FEZ2: variants seen among roughly 807,000 people sequenced by gnomAD.
FEZ2 encodes fasciculation and elongation protein zeta-2.
A neutral mutation model predicts 40.4 loss-of-function variants in FEZ2; 51 were observed. That is an observed-to-expected ratio of 1.26 (90% confidence interval 1.01 to 1.59). FEZ2 has a LOEUF of 1.59. Among genes scored for constraint, FEZ2 ranks in the 40% most tolerant of loss-of-function variants. The pLI, the probability that FEZ2 is intolerant of heterozygous loss-of-function variation, is 0.00. For synonymous variants in FEZ2, 242 were observed against 172.0 expected, an observed-to-expected ratio of 1.41 and a Z score of -3.18; for missense variants, 640 against 438.3, an observed-to-expected ratio of 1.46 and a Z score of -4.11.
At chr2:36,567,553 G>A (rs1267019064) in intron 5 of FEZ2, among the ~76,000 whole-genome samples, 2 of 152,124 alleles carry the variant, frequency 1.3e-5, no homozygotes, top group Admixed American at 1.3e-4. Context: ...CCTGACGTCA[G>A]GAGTTCGAGA....
Position 36,598,030 on chromosome 2 carries a change from GC to G in FEZ2, c.112del (p.Ala38ProfsTer21). On this transcript the variant is annotated frameshift_variant, in exon 1 of 8. Coordinates refer to ENST00000405912, the MANE Select transcript of FEZ2 (RefSeq NM_005102.3). LOFTEE classifies it high-confidence loss of function. ...ACCGTCGGCGCCCCCACCCGCCTCG[GC>G]CCCCGCCTCCGCCCCAGGCTCGGGG... is the stretch of plus-strand genomic sequence containing the variant. ...ASPEPGAEAGAEAGGGADGFP... is the reference protein window; with the variant it reads ...ASPEPGAEAGXEAGGGADGFP... The G allele has an allele frequency of 1.4e-6, 2 of 1,436,974 alleles. No homozygotes were observed. The highest frequency in any genetic ancestry group is 1.3e-5 in the South Asian group (1 of 79,124). 89.0% of individuals were successfully genotyped at this position (1,436,974 alleles called of 1,614,324 possible).
In FEZ2 at chr2:36,576,473, G is replaced by T. The variant is rs541332047; in HGVS notation, c.903+2124C>A. Among the ~76,000 whole-genome samples, 50 of 152,246 alleles carry T rather than the reference G, an allele frequency of 3.3e-4. No individual in the cohort carries two copies. In the South Asian group the frequency reaches 4.6e-3, roughly 14 times the overall value. ...TTTAGTAGAAACGGAGTTTCACCATGTTGGCCAGGCTGGTCTTGAACTCCT... is the reference window on the plus strand; with the variant it reads ...TTTAGTAGAAACGGAGTTTCACCATTTTGGCCAGGCTGGTCTTGAACTCCT... On this transcript the variant is annotated intron_variant, in intron 5 of 7. Coordinates refer to ENST00000405912, the MANE Select transcript of FEZ2 (RefSeq NM_005102.3).
chr2:36,587,645 ATTC>A (rs1228464207), intron 2 of FEZ2, among the ~76,000 whole-genome samples: 1 of 124,912 alleles, frequency 8.0e-6, no homozygotes, highest in East Asian at 3.7e-4. Context: ...TGCAAAAACC[ATTC>A]TTCTTTTGTC....
Position 36,590,935 on chromosome 2 carries a change from G to A in FEZ2, c.343C>T (p.His115Tyr). 3 of 1,611,272 alleles carry A rather than the reference G, an allele frequency of 1.9e-6. No homozygotes were observed. Among genetic ancestry groups the A allele is most frequent in the Non-Finnish European group, 2.5e-6 (3 of 1,177,372 alleles). ...TCTGAGAGGTTCAGAGTAAGCAAGTGCAAGGTCCTAGTATGCGATGACTTC... is the reference window on the plus strand; with the variant it reads ...TCTGAGAGGTTCAGAGTAAGCAAGTACAAGGTCCTAGTATGCGATGACTTC... ...DWKSSHTRTL[H>Y]LLTLNLSEKG... Residue 115 changes from histidine (H) to tyrosine (Y), a missense_variant, in exon 2 of 8, where the codon CAC becomes TAC. Coordinates refer to ENST00000405912, the MANE Select transcript of FEZ2 (RefSeq NM_005102.3).
chr2:36,591,086 G>C (rs1171949639), intron 1 of FEZ2, 75 bp from the exon 2 acceptor site: 9 of 882,108 alleles, frequency 1.0e-5, no homozygotes, highest in Non-Finnish European at 1.5e-5. Flanking sequence ...TTCAGTGAAA[G>C]ATGAACAGCA....
chr2:36,584,446 T>C (rs1470959037), intron 2 of FEZ2, among the ~76,000 whole-genome samples: 1 of 152,230 alleles, frequency 6.6e-6, no homozygotes, highest in East Asian at 1.9e-4. Context: ...GTACCAGTAC[T>C]GATTGTAAAA....
chr2:36,566,658 T>C (rs1012816312), intron 5 of FEZ2, among the ~76,000 whole-genome samples: 5 of 152,206 alleles, frequency 3.3e-5, no homozygotes, highest in South Asian at 2.1e-4. Context: ...CCAGGAATCA[T>C]AGCTCAGGCA....
chr2:36,554,882 A>C (rs558358211), intron 7 of FEZ2, among the ~76,000 whole-genome samples: 4 of 152,348 alleles, frequency 2.6e-5, no homozygotes, highest in Non-Finnish European at 4.4e-5. Context: ...CCAGAGAAGA[A>C]GACTGTTACT....
At chr2:36,594,940 G>A (rs960899850) in intron 1 of FEZ2, among the ~76,000 whole-genome samples, 1 of 152,206 alleles carries the variant, frequency 6.6e-6, no homozygotes, top group Non-Finnish European at 1.5e-5. Context: ...AGGACACAGA[G>A]GCAACTCTAG....
At chr2:36,561,429 C>T (rs1668090418) in intron 5 of FEZ2, 1 of 152,210 alleles carries the variant, frequency 6.6e-6, no homozygotes, top group African/African-American at 2.4e-5. Context: ...GCATACGCTT[C>T]CTGGAGAGCA....
At position 36,553,222 on chromosome 2, in the gene FEZ2, T is replaced by G. The variant is rs945296136; in HGVS notation, c.1046-43A>C. ...CTTTTAGCTACAAATGTATATTTTG[T>G]ATACATTTACACAAAACATACATTT... On this transcript the variant is annotated intron_variant, in intron 7 of 7. Coordinates refer to ENST00000405912, the MANE Select transcript of FEZ2 (RefSeq NM_005102.3). 1.6e-5 allele frequency: 22 copies of G among 1,387,008 alleles called. No individual in the cohort carries two copies. The East Asian group carries it at 4.2e-4, about 27-fold the overall frequency. The allele number at this position is 1,387,008 out of a possible 1,614,324, so 85.9% of individuals were successfully genotyped here.
At chr2:36,594,789 C>A (rs1168010697) in intron 1 of FEZ2, among the ~76,000 whole-genome samples, 1 of 152,210 alleles carries the variant, frequency 6.6e-6, no homozygotes, top group Non-Finnish European at 1.5e-5. Flanking sequence ...TGCTGATTTG[C>A]TCCTTCTTAA....
chr2:36,594,979 G>A (rs977523346), intron 1 of FEZ2, among the ~76,000 whole-genome samples: 1 of 152,218 alleles, frequency 6.6e-6, no homozygotes. Flanking sequence ...CTGCAGTCAA[G>A]ACATATGAAC....
At chr2:36,583,705 A>G (rs1325124190) in intron 2 of FEZ2, among the ~76,000 whole-genome samples, 1 of 152,242 alleles carries the variant, frequency 6.6e-6, no homozygotes, top group Admixed American at 6.5e-5. Flanking sequence ...CTGCTATAAA[A>G]GCTGACAGAT....
chr2:36,586,322 T>C (rs1668897118), intron 2 of FEZ2, among the ~76,000 whole-genome samples: 1 of 152,206 alleles, frequency 6.6e-6, no homozygotes, highest in African/African-American at 2.4e-5. Flanking sequence ...GGCTTATAAA[T>C]ACTAAAAGTT....
intron 1 of FEZ2, among the ~76,000 whole-genome samples, chr2:36,592,412 C>A (rs75706564): frequency 0.013 from 2,021 of 152,144 alleles, 48 homozygotes; most frequent in African/African-American, 0.046. Flanking sequence ...TTTTAAAATA[C>A]AGACATAACA....
At chr2:36,585,046 G>C (rs1668862851) in intron 2 of FEZ2, among the ~76,000 whole-genome samples, 2 of 151,908 alleles carry the variant, frequency 1.3e-5, no homozygotes, top group East Asian at 1.9e-4. Context: ...CTTCAACACA[G>C]CATCATGAAC....
chr2:36,591,798 G>A lies in FEZ2; in HGVS notation c.267-787C>T, dbSNP rs17019165. Among the ~76,000 whole-genome samples the A allele has an allele frequency of 5.4e-3, 819 of 152,150 alleles. 7 individuals carry two copies. The highest frequency in any genetic ancestry group is 0.019 in the African/African-American group (785 of 41,500). ...TCATCTCCATCCTTCTTCAAATAAC[G>A]AGTCATTGGCCAGGCCCCTTAACCT... On this transcript the variant is annotated intron_variant, in intron 1 of 7. Coordinates refer to ENST00000405912, the MANE Select transcript of FEZ2 (RefSeq NM_005102.3).
Position 36,583,404 on chromosome 2 carries a change from G to C in FEZ2, c.441C>G (p.His147Gln), listed in dbSNP as rs780080330. Residue 147 changes from histidine (H) to glutamine (Q), a missense_variant, in exon 3 of 8, where the codon CAC becomes CAG. Physicochemically the swap from His to Gln is conservative, Grantham distance 24. Coordinates refer to ENST00000405912, the MANE Select transcript of FEZ2 (RefSeq NM_005102.3). ...CATTAACACAGGAGACGATGATTGA[G>C]TGCATATCCAGCTGTTCTCTCAGCT... ...DEELREQLDM[H>Q]SIIVSCVNDE... is the part of the protein sequence containing the mutation. The C allele has an allele frequency of 6.2e-7, 1 of 1,609,298 alleles. No individual in the cohort carries two copies. The highest frequency in any genetic ancestry group is 1.3e-5 in the African/African-American group (1 of 74,846).
Sources: allele counts gnomAD v4.1 joint callset (sites outside exome capture counted in the v4.1 genomes callset), GRCh38; gene constraint gnomAD v4.1.1; transcripts MANE v1.5; gene names NCBI Gene and HGNC (gene_info 2026-07-23, HGNC 2026-07-21).